CFAP161: variants seen among roughly 807,000 people sequenced by gnomAD.
The protein encoded by CFAP161 is cilia and flagella associated protein 161.
In CFAP161, 25 loss-of-function variants were observed where a neutral mutation model predicts 29.0. The ratio of observed to expected loss-of-function variants is 0.86; its 90% CI spans 0.63 to 1.20. CFAP161 has a LOEUF of 1.20. Among genes scored for constraint, CFAP161 ranks in the 50% most tolerant of loss-of-function variants. The pLI is 0.00. For missense variants in CFAP161, 367 were observed against 371.9 expected, an observed-to-expected ratio of 0.99 and a Z score of 0.11; for synonymous variants, 116 against 137.4, an observed-to-expected ratio of 0.84 and a Z score of 1.09.
intron 5 of CFAP161, among the ~76,000 whole-genome samples, chr15:81,147,556 A>G (rs898301638): frequency 6.6e-6 from 1 of 152,202 alleles, no homozygotes; most frequent in Non-Finnish European, 1.5e-5. Context: ...CTAGGTGTAC[A>G]AACCTGTAAG....
rs568147964 is a variant in CFAP161 at position 81,143,949 on chromosome 15, T to C, written c.636+129T>C. 6 of 1,069,562 alleles carry C rather than the reference T, an allele frequency of 5.6e-6. No individual in the cohort carries two copies. The South Asian group carries it at 6.1e-5, about 11-fold the overall frequency. 66.3% of individuals were successfully genotyped at this position (1,069,562 alleles called of 1,614,324 possible). The stretch of plus-strand genomic sequence containing the variant: ...TCTCTCTCTTTTCTGTCTTTTTTTT[T>C]CCATTTATAACACACAGACTTATAG... On this transcript the variant is annotated intron_variant, in intron 5 of 6. Coordinates refer to ENST00000286732, the MANE Select transcript of CFAP161 (RefSeq NM_173528.4).
In CFAP161 at chr15:81,136,528, G is replaced by A. The variant is rs756224699; in HGVS notation, c.172G>A (p.Val58Ile). ...QNLLRPMQLS[V>I]TEDGYIHYGD... Reference sequence around the variant, plus strand: ...ATCAAAATTGTAGATGCAACTTTCCGTAACTGAAGATGGCTATATTCATTA... The same window carrying A: ...ATCAAAATTGTAGATGCAACTTTCCATAACTGAAGATGGCTATATTCATTA... The change falls in exon 3 of 7, where the codon GTA (valine) becomes ATA (isoleucine). Residue 58 changes from valine to isoleucine, a missense_variant. Transcript: ENST00000286732. The A allele has an allele frequency of 8.0e-5, 129 of 1,613,940 alleles. No homozygotes were observed. The highest frequency in any genetic ancestry group is 4.9e-4 in the Middle Eastern group (3 of 6,084).
intron 1 of CFAP161, among the ~76,000 whole-genome samples, chr15:81,105,534 C>T (rs538031097): frequency 1.9e-4 from 29 of 152,010 alleles, no homozygotes; most frequent in Non-Finnish European, 4.0e-4. Flanking sequence ...TCTCCCACCT[C>T]AGCTTCTGAG....
In CFAP161 at chr15:81,134,365, A is replaced by G. The variant is rs918766173; in HGVS notation, c.36A>G (p.Ile12Met). 2.5e-6 allele frequency: 4 copies of G among 1,591,342 alleles called. No individual in the cohort carries two copies. The highest frequency in any genetic ancestry group is 1.7e-4 in the Middle Eastern group (1 of 6,036). ...AQNVYGPGVR[I>M]GNWNEDVYLE... ...ACGTGTATGGTCCGGGAGTCCGGAT[A>G]GGCAACTGGAATGAGGATGTCTACC... Residue 12 changes from isoleucine (I) to methionine (M), a missense_variant, in exon 1 of 7, where the codon ATA becomes ATG. By Grantham distance (10) the Ile-to-Met change is conservative. Transcript: ENST00000286732.
At chr15:81,106,655 A>G (rs1188379848) in intron 1 of CFAP161, among the ~76,000 whole-genome samples, 1 of 152,218 alleles carries the variant, frequency 6.6e-6, no homozygotes, top group Non-Finnish European at 1.5e-5. Flanking sequence ...TGTACCCACG[A>G]ATTGCCACAT....
rs184826314 is a variant in CFAP161 at position 81,127,354 on chromosome 15, A to T, written c.-141-236A>T. Among the ~76,000 whole-genome samples, 758 of 152,326 alleles carry T rather than the reference A, an allele frequency of 5.0e-3. 1 individual carries two copies. The highest frequency in any genetic ancestry group is 7.6e-3 in the Non-Finnish European group (515 of 68,020). ...AAAAACCCAGATAAGAATGCTCACA[A>T]ACATTTTAACCTAGGTGTGCAGATC... On this transcript the variant is annotated intron_variant, in intron 1 of 4. Coordinates refer to the CFAP161 transcript ENST00000560091.
At chr15:81,115,220 T>C (rs933012227) in intron 1 of CFAP161, among the ~76,000 whole-genome samples, 3 of 152,238 alleles carry the variant, frequency 2.0e-5, no homozygotes, top group Admixed American at 6.5e-5. Context: ...TTTTTTCTTT[T>C]TTTAGCATTA....
chr15:81,122,341 G>A (rs974961493), intron 1 of CFAP161, among the ~76,000 whole-genome samples: 1 of 152,086 alleles, frequency 6.6e-6, no homozygotes, highest in African/African-American at 2.4e-5. Flanking sequence ...CAGTATAAAT[G>A]CATTCCTTTT....
At chr15:81,143,878 T>C in intron 5 of CFAP161, 58 bp downstream of exon 5, 1 of 1,564,550 alleles carries the variant, frequency 6.4e-7, no homozygotes, top group Admixed American at 1.8e-5. Context: ...TGCAATTTAT[T>C]CCTGTCTATA....
chr15:81,108,997 T>C (rs1595908791), intron 1 of CFAP161, among the ~76,000 whole-genome samples: 1 of 152,050 alleles, frequency 6.6e-6, no homozygotes, highest in Admixed American at 6.6e-5. Context: ...TGATTTCCCA[T>C]TGAAACTCTC....
At chr15:81,137,911 A>T in intron 3 of CFAP161, 140 bp from the exon 4 acceptor site, 1 of 626,784 alleles carries the variant, frequency 1.6e-6, no homozygotes. Flanking sequence ...TTATTTAATT[A>T]CCTAATTCAG....
At chr15:81,143,635 A>C in intron 4 of CFAP161, 27 bp from the exon 5 acceptor site, 1 of 1,600,852 alleles carries the variant, frequency 6.2e-7, no homozygotes, top group Non-Finnish European at 8.5e-7. Context: ...GCTCTGACTT[A>C]GTGCATCTGC....
At chr15:81,133,227 A>ATTTTTT (rs111496841), upstream of CFAP161, among the ~76,000 whole-genome samples, 1 of 50,406 alleles carries the variant, frequency 2.0e-5, no homozygotes, top group African/African-American at 7.1e-5. Context: ...ATATATATGT[A>ATTTTTT]TTTTTTTTTA....
chr15:81,142,745 G>T (rs1041706270), intron 4 of CFAP161, among the ~76,000 whole-genome samples: 1 of 152,192 alleles, frequency 6.6e-6, no homozygotes, highest in African/African-American at 2.4e-5. Flanking sequence ...GTCAAAATAT[G>T]CAGAAACTAC....
chr15:81,109,540 C>CA (rs1400819784), intron 1 of CFAP161, among the ~76,000 whole-genome samples: 1 of 152,078 alleles, frequency 6.6e-6, no homozygotes, highest in East Asian at 1.9e-4. Flanking sequence ...CCTGTCTCTA[C>CA]AAAAAATTTA....
At chr15:81,138,246 C>A in intron 4 of CFAP161, 111 bp downstream of exon 4, 1 of 851,158 alleles carries the variant, frequency 1.2e-6, no homozygotes, top group Non-Finnish European at 1.9e-6. Flanking sequence ...TGGGCTCCAC[C>A]TCTGACTTCA....
intron 5 of CFAP161, among the ~76,000 whole-genome samples, chr15:81,147,164 G>A (rs956668736): frequency 1.3e-4 from 19 of 151,666 alleles, no homozygotes; most frequent in African/African-American, 4.1e-4. Flanking sequence ...TTCCTCTACC[G>A]CCCTCTCACA....
intron 1 of CFAP161, among the ~76,000 whole-genome samples, chr15:81,122,401 C>T (rs1894585119): frequency 1.3e-5 from 2 of 151,998 alleles, no homozygotes; most frequent in Non-Finnish European, 2.9e-5. Flanking sequence ...TTAGTAATAG[C>T]CATTCTGACT....
Position 81,148,406 on chromosome 15 carries a change from C to A in CFAP161, c.779C>A (p.Pro260Gln). 1.2e-6 allele frequency: 2 copies of A among 1,614,124 alleles called. No individual in the cohort carries two copies. Among genetic ancestry groups the A allele is most frequent in the Non-Finnish European group, 8.5e-7 (1 of 1,180,018 alleles). ...CTGGATTCACATAGAGTTGAGAAAC[C>A]AAGGAACCACTGGATGTTGGTTACT... is the stretch of plus-strand genomic sequence containing the variant. The part of the protein sequence containing the change: ...TYLDSHRVEK[P>Q]RNHWMLVTGN... The change falls in exon 7 of 7, where the codon CCA (proline) becomes CAA (glutamine). Residue 260 changes from proline to glutamine, a missense_variant. By Grantham distance (76) the Pro-to-Gln change is moderately conservative. Coordinates refer to ENST00000286732, the MANE Select transcript of CFAP161 (RefSeq NM_173528.4).
Sources: gnomAD v4.1 joint callset for allele counts (sites outside exome capture counted in the v4.1 genomes callset) on GRCh38, gnomAD v4.1.1 for gene constraint, MANE v1.5 for transcripts, NCBI Gene and HGNC (gene_info 2026-07-23, HGNC 2026-07-21) for gene names.